Variants in TBXAS1 observed in about 807,000 individuals in gnomAD.
TBXAS1 encodes thromboxane A synthase 1.
Under a neutral mutation model 60.7 loss-of-function variants are expected in TBXAS1, and 48 were observed. The observed-to-expected ratio is 0.79, with a 90% CI of 0.63 to 1.01. The LOEUF (loss-of-function observed/expected upper bound fraction) is 1.01. TBXAS1 is among the 50% of genes least tolerant of loss of function. The probability of loss-of-function intolerance (pLI) is 0.00; values close to 1 mark genes in which losing one functional copy is unlikely to be tolerated. For synonymous variants in TBXAS1, 287 were observed against 269.7 expected, an observed-to-expected ratio of 1.06 and a Z score of -0.63; for missense variants, 685 against 686.3, an observed-to-expected ratio of 1.00 and a Z score of 0.02.
chr7:139,875,572 G>T lies in TBXAS1; in HGVS notation c.184-13G>T. 1 of 1,613,254 alleles carries T rather than the reference G, an allele frequency of 6.2e-7. No individual in the cohort carries two copies. Among genetic ancestry groups the T allele is most frequent in the Non-Finnish European group, 8.5e-7 (1 of 1,179,338 alleles). ...TTAATCTTATTCTTACTATAGTGCTGTGTTTCCTTCAGGGTTTTTGGGAAA... is the reference window on the plus strand; with the variant it reads ...TTAATCTTATTCTTACTATAGTGCTTTGTTTCCTTCAGGGTTTTTGGGAAA... On this transcript the variant is annotated splice_polypyrimidine_tract_variant and intron_variant, in intron 2 of 12. Coordinates refer to ENST00000448866, the MANE Select transcript of TBXAS1 (RefSeq NM_001061.7).
intron 10 of TBXAS1, among the ~76,000 whole-genome samples, chr7:140,008,447 CTTTTTT>C (rs35875761): frequency 7.9e-6 from 1 of 126,016 alleles, no homozygotes; most frequent in East Asian, 2.4e-4. Flanking sequence ...TTCTTTTATT[CTTTTTT>C]TTTTTTTTTT....
chr7:139,892,936 C>T (rs1044588839), intron 3 of TBXAS1, among the ~76,000 whole-genome samples: 8 of 152,164 alleles, frequency 5.3e-5, no homozygotes, highest in African/African-American at 1.4e-4. Flanking sequence ...CCTCTCCCCT[C>T]TTTGGGCCTC....
At chr7:139,880,163 G>C (rs769173567) in intron 3 of TBXAS1, among the ~76,000 whole-genome samples, 1 of 152,200 alleles carries the variant, frequency 6.6e-6, no homozygotes. Context: ...AATTACAGGC[G>C]TGAGTCACCA....
intron 9 of TBXAS1, among the ~76,000 whole-genome samples, chr7:139,972,260 CAG>C (rs757798447): frequency 6.6e-6 from 1 of 152,216 alleles, no homozygotes; most frequent in African/African-American, 2.4e-5. Flanking sequence ...TGTAGCAAAT[CAG>C]AGTCTTTCAT....
At chr7:139,959,017 ACAC>A (rs1810112247) in intron 8 of TBXAS1, among the ~76,000 whole-genome samples, 3 of 152,106 alleles carry the variant, frequency 2.0e-5, no homozygotes, top group East Asian at 3.9e-4. Context: ...TCACACACAC[ACAC>A]ACACACACAC....
chr7:139,888,346 T>C (rs1198530792), intron 3 of TBXAS1, among the ~76,000 whole-genome samples: 2 of 152,206 alleles, frequency 1.3e-5, no homozygotes, highest in Non-Finnish European at 2.9e-5. Context: ...GTCTTCTGTG[T>C]CTGAAACTCT....
At chr7:140,011,354 C>T (rs1814602894) in intron 10 of TBXAS1, among the ~76,000 whole-genome samples, 1 of 145,022 alleles carries the variant, frequency 6.9e-6, no homozygotes, top group Admixed American at 6.9e-5. Flanking sequence ...AAAAAAAAGG[C>T]CCCCTGCCAT....
rs935577084 is a variant in TBXAS1, at chr7:140,013,092, A to C, written c.1227-2631A>C. On this transcript the variant is annotated intron_variant, in intron 10 of 12. Coordinates refer to ENST00000448866, the MANE Select transcript of TBXAS1 (RefSeq NM_001061.7). This position sits in a 1 kb window ranked among gnomAD's most constrained non-coding sequence, Gnocchi z 4.2. Reference sequence around the variant, plus strand: ...AGAGCGAGACTCCATCTCAAAAAAAAAAAAAAAAAGAAATTGGGGCAAGAT... The same window carrying C: ...AGAGCGAGACTCCATCTCAAAAAAACAAAAAAAAAGAAATTGGGGCAAGAT... Among the ~76,000 whole-genome samples the C allele has an allele frequency of 6.6e-6, 1 of 152,090 alleles. No homozygotes were observed. The highest frequency in any genetic ancestry group is 2.4e-5 in the African/African-American group (1 of 41,418).
chr7:139,914,824 A>G (rs1805841233), intron 4 of TBXAS1, among the ~76,000 whole-genome samples: 2 of 152,174 alleles, frequency 1.3e-5, no homozygotes, highest in Admixed American at 1.3e-4. Context: ...CTTGATTATT[A>G]GCTCTTTAAG....
At chr7:139,857,447 TTGTC>T (rs1278585447) in intron 1 of TBXAS1, among the ~76,000 whole-genome samples, 5 of 152,202 alleles carry the variant, frequency 3.3e-5, no homozygotes, top group Non-Finnish European at 7.3e-5. Context: ...TGGAGGAACT[TTGTC>T]TGGTTAAATT....
intron 3 of TBXAS1, among the ~76,000 whole-genome samples, chr7:139,902,115 C>G (rs1272461821): frequency 6.6e-6 from 1 of 151,464 alleles, no homozygotes; most frequent in East Asian, 1.9e-4. Flanking sequence ...ATATTTTTTC[C>G]AGGTTTATAT....
chr7:139,960,950 T>C (rs1196287810), intron 8 of TBXAS1, among the ~76,000 whole-genome samples: 2 of 152,216 alleles, frequency 1.3e-5, no homozygotes, highest in African/African-American at 4.8e-5. Context: ...TTGTCCTTCA[T>C]GACATTAAAG....
At position 139,841,626 on chromosome 7, in the gene TBXAS1, A is replaced by G. The variant is rs944025976; in HGVS notation, c.89+12147A>G. ...CTTCCTTGAGGACCATTTCTACAGA[A>G]TATTATTTTTTTTGTTTTCTCTCTC... On this transcript the variant is annotated intron_variant, in intron 1 of 12. Transcript: ENST00000448866. 8.9e-5 allele frequency among the ~76,000 whole-genome samples: 7 copies of G among 78,990 alleles called. No homozygotes were observed. The African/African-American group carries it at 9.0e-4, about 10-fold the overall frequency. 51.8% of individuals were successfully genotyped at this position (78,990 alleles called of 152,430 possible).
chr7:139,956,078 C>G (rs1275877859), intron 7 of TBXAS1, among the ~76,000 whole-genome samples: 1 of 152,184 alleles, frequency 6.6e-6, no homozygotes, highest in Non-Finnish European at 1.5e-5. Flanking sequence ...ACACAGAAAT[C>G]CTGTGTGGTG....
At chr7:139,948,933 T>C (rs1020839826) in intron 5 of TBXAS1, among the ~76,000 whole-genome samples, 2 of 152,284 alleles carry the variant, frequency 1.3e-5, no homozygotes, top group Middle Eastern at 3.2e-3. Flanking sequence ...GGCTGTCTTA[T>C]AATATTTTCT....
chr7:139,839,171 G>A (rs1799262244), intron 1 of TBXAS1, among the ~76,000 whole-genome samples: 1 of 152,162 alleles, frequency 6.6e-6, no homozygotes, highest in African/African-American at 2.4e-5. Flanking sequence ...TTCTTTCTGG[G>A]ATGGGGTTGT....
chr7:139,936,685 A>C (rs1807818019), intron 5 of TBXAS1, among the ~76,000 whole-genome samples: 1 of 152,222 alleles, frequency 6.6e-6, no homozygotes, highest in Non-Finnish European at 1.5e-5. Context: ...GCTCTGATTC[A>C]AGAGGGCCAG....
chr7:139,937,860 G>A (rs1807922110), intron 5 of TBXAS1, among the ~76,000 whole-genome samples: 1 of 151,110 alleles, frequency 6.6e-6, no homozygotes, highest in Non-Finnish European at 1.5e-5. Context: ...ACGTAGGACT[G>A]TGCCAGGGGC....
chr7:139,805,700 T>TTC (rs1269358200), intron 4 of TBXAS1, among the ~76,000 whole-genome samples: 1 of 37,438 alleles, frequency 2.7e-5, no homozygotes, highest in South Asian at 1.2e-3. Flanking sequence ...CTTTCTTTCT[T>TTC]TCTTTCTTTC....
Sources: gnomAD v4.1 joint callset for allele counts (sites outside exome capture counted in the v4.1 genomes callset) on GRCh38, gnomAD v4.1.1 for gene constraint, Gnocchi (gnomAD v3.1) non-coding constraint, MANE v1.5 for transcripts, NCBI Gene and HGNC (gene_info 2026-07-23, HGNC 2026-07-21) for gene names.